The following SHROOM2 variants were observed in gnomAD, a reference collection of about 807,000 sequenced individuals.
SHROOM2 encodes the protein protein Shroom2.
Under a neutral mutation model 75.9 loss-of-function variants are expected in SHROOM2, and 33 were observed. That is an observed-to-expected ratio of 0.43 (90% CI 0.33 to 0.58). SHROOM2 has a LOEUF of 0.58. SHROOM2 is among the 20% of genes least tolerant of loss of function. The pLI is 0.04. For synonymous variants in SHROOM2, 655 were observed against 663.6 expected (o/e 0.99, Z 0.20); for missense variants, 1,434 against 1,461.2 (o/e 0.98, Z 0.30).
intron 1 of SHROOM2, among the ~76,000 whole-genome samples, chrX:9,844,254 G>A (rs925460060): frequency 8.9e-6 from 1 of 111,858 alleles, no homozygotes; most frequent in Non-Finnish European, 1.9e-5. Context: ...GCTCATGCCT[G>A]TAATCCCAAC....
chrX:9,934,313 A>G (rs1474225133), intron 6 of SHROOM2, among the ~76,000 whole-genome samples: 1 of 110,790 alleles, frequency 9.0e-6, no homozygotes, highest in Non-Finnish European at 1.9e-5. Context: ...GTCTCAAGTA[A>G]TTTTTTTTCT....
intron 1 of SHROOM2, among the ~76,000 whole-genome samples, chrX:9,831,041 A>C (rs2083913586): frequency 8.9e-6 from 1 of 112,196 alleles, no homozygotes. Context: ...GGAAGGCTTA[A>C]GGTTGAACCC....
rs776667378 is a variant in SHROOM2, at chrX:9,872,393, T to C, written c.166-1259T>C. ...CAGCCTGGCCAATGGGGTGAAACCC[T>C]GTCTCTACTAAAAATACAAAAATTA... On this transcript the variant is annotated intron_variant, in intron 1 of 9. Coordinates refer to ENST00000380913, the MANE Select transcript of SHROOM2 (RefSeq NM_001649.4). Among the ~76,000 whole-genome samples, 3 of 112,277 alleles carry C rather than the reference T, an allele frequency of 2.7e-5. No individual in the cohort carries two copies. In the East Asian group the frequency reaches 8.5e-4, roughly 32 times the overall value.
chrX:9,786,549 G>T lies in SHROOM2; in HGVS notation c.4G>T (p.Glu2Ter). 1.2e-6 allele frequency: 1 copy of T among 850,193 alleles called. No individual in the cohort carries two copies. The highest frequency in any genetic ancestry group is 6.8e-5 in the East Asian group (1 of 14,806). The allele number at this position is 850,193 out of a possible 1,213,427, so 70.1% of individuals were successfully genotyped here. A position where few individuals can be genotyped will look rare whatever the true frequency, so the allele number is the denominator to read the frequency against. The change falls in exon 1 of 10, where the codon GAG becomes TAG. Residue 2 changes from glutamate to a stop codon, truncating the protein, a stop_gained. Transcript: ENST00000380913. LOFTEE classifies it high-confidence loss of function. Reference sequence around the variant, plus strand: ...AGGGACGCTGAGCGGTCGCGCCATGGAGGGCGCCGAGCCCCGCGCGCGGCC... The same window carrying T: ...AGGGACGCTGAGCGGTCGCGCCATGTAGGGCGCCGAGCCCCGCGCGCGGCC... M[E>*]GAEPRARPER... is the part of the protein sequence containing the mutation.
chrX:9,898,383 C>T, intron 5 of SHROOM2, 93 bp downstream of exon 5: 1 of 677,273 alleles, frequency 1.5e-6, no homozygotes, highest in Non-Finnish European at 2.2e-6. Flanking sequence ...GGCTAGATGT[C>T]TGGCTTTTGC....
At chrX:9,821,462 A>C (rs765290863) in intron 1 of SHROOM2, among the ~76,000 whole-genome samples, 2 of 111,118 alleles carry the variant, frequency 1.8e-5, no homozygotes, top group African/African-American at 6.5e-5. Flanking sequence ...AAATGGGAGC[A>C]GTTGTGGCTT....
chrX:9,897,555 C>CA (rs1235925336), intron 4 of SHROOM2, among the ~76,000 whole-genome samples: 7 of 16,846 alleles, frequency 4.2e-4, no homozygotes, highest in African/African-American at 1.7e-3. Context: ...CTTATCTCTA[C>CA]AAAAAAAAAA....
chrX:9,827,571 G>T (rs1321744980), intron 1 of SHROOM2, among the ~76,000 whole-genome samples: 1 of 109,915 alleles, frequency 9.1e-6, no homozygotes, highest in Admixed American at 9.8e-5. Context: ...TCAACCTTTG[G>T]TCAGGCTCTG....
intron 6 of SHROOM2, among the ~76,000 whole-genome samples, chrX:9,934,669 A>G (rs1176710449): frequency 1.8e-5 from 2 of 111,855 alleles, no homozygotes; most frequent in Non-Finnish European, 3.8e-5. Context: ...CTCATGTGGA[A>G]GTCAAGACTG....
In SHROOM2 at chrX:9,911,286, G is replaced by A. The variant is rs905748971; in HGVS notation, c.2891+12996G>A. On this transcript the variant is annotated intron_variant, in intron 5 of 9. Coordinates refer to ENST00000380913, the MANE Select transcript of SHROOM2 (RefSeq NM_001649.4). ...GGGGATATGCAGAGCAACCTTGCTCGCAGACTTATTTACATGCTTAAGGGA... is the reference window on the plus strand; with the variant it reads ...GGGGATATGCAGAGCAACCTTGCTCACAGACTTATTTACATGCTTAAGGGA... 5.4e-5 allele frequency among the ~76,000 whole-genome samples: 6 copies of A among 111,643 alleles called. No individual in the cohort carries two copies. The East Asian group carries it at 1.4e-3, about 26-fold the overall frequency.
intron 8 of SHROOM2, 139 bp from the exon 9 acceptor site, chrX:9,944,502 G>T (rs3815016): frequency 0.13 from 68,260 of 528,079 alleles, 3,443 homozygotes; most frequent in East Asian, 0.29. Context: ...CTATTATTTG[G>T]TGATGCAAAA....
At chrX:9,788,273 T>C (rs937188595) in intron 1 of SHROOM2, among the ~76,000 whole-genome samples, 1 of 75,902 alleles carries the variant, frequency 1.3e-5, no homozygotes, top group African/African-American at 3.8e-5. Context: ...AAAATAGCTC[T>C]TCTAATCGTT....
intron 1 of SHROOM2, among the ~76,000 whole-genome samples, chrX:9,796,001 T>C (rs1313327549): frequency 9.0e-6 from 1 of 111,321 alleles, no homozygotes; most frequent in Non-Finnish European, 1.9e-5. Flanking sequence ...TCTCAGTTCC[T>C]AACCGTTTCT....
At chrX:9,864,222 G>A (rs746825478) in intron 1 of SHROOM2, among the ~76,000 whole-genome samples, 1 of 111,360 alleles carries the variant, frequency 9.0e-6, no homozygotes, top group African/African-American at 3.3e-5. Flanking sequence ...GTCACTCACC[G>A]TTATCAGCAA....
At chrX:9,802,349 C>T (rs1223548583) in intron 1 of SHROOM2, among the ~76,000 whole-genome samples, 2 of 112,416 alleles carry the variant, frequency 1.8e-5, no homozygotes, top group Non-Finnish European at 3.8e-5. Flanking sequence ...TGAATCAGAA[C>T]CCATATTTTA....
chrX:9,934,525 C>T (rs1286867930), intron 6 of SHROOM2, among the ~76,000 whole-genome samples: 1 of 111,250 alleles, frequency 9.0e-6, no homozygotes, highest in Non-Finnish European at 1.9e-5. Flanking sequence ...TCCTTTCAGG[C>T]TGCTATAATA....
chrX:9,884,917 A>G (rs1011478475), intron 2 of SHROOM2, among the ~76,000 whole-genome samples: 3 of 111,459 alleles, frequency 2.7e-5, no homozygotes, highest in Non-Finnish European at 5.6e-5. Flanking sequence ...TGGAAGAATG[A>G]TAATGGCCTG....
At chrX:9,827,224 T>TTTTTTTTC (rs2083892468) in intron 1 of SHROOM2, among the ~76,000 whole-genome samples, 2 of 18,613 alleles carry the variant, frequency 1.1e-4, no homozygotes, top group South Asian at 1.1e-3. Context: ...TTTCTTTTTC[T>TTTTTTTTC]TTTTTTTTTT....
chrX:9,861,900 A>G (rs1235263578), intron 1 of SHROOM2, among the ~76,000 whole-genome samples: 4 of 111,560 alleles, frequency 3.6e-5, no homozygotes, highest in Non-Finnish European at 7.5e-5. Context: ...GATCCTGTGC[A>G]TGTCTGTCAC....
Sources: allele counts gnomAD v4.1 joint callset (sites outside exome capture counted in the v4.1 genomes callset), GRCh38; gene constraint gnomAD v4.1.1; transcripts MANE v1.5; gene names NCBI Gene and HGNC (gene_info 2026-07-23, HGNC 2026-07-21).